NRXN3: variants seen among roughly 807,000 people sequenced by gnomAD.
NRXN3 encodes the protein neurexin 3.
In NRXN3, 32 loss-of-function variants were observed where a neutral mutation model predicts 137.6. The observed-to-expected ratio is 0.23, with a 90% CI of 0.18 to 0.31. The LOEUF is 0.31. Among genes scored for constraint, NRXN3 ranks in the 10% least tolerant of loss-of-function variants. The pLI is 1.00. For missense variants in NRXN3, 1,574 were observed against 2,062.5 expected, an observed-to-expected ratio of 0.76 and a Z score of 4.59; for synonymous variants, 798 against 784.5, an observed-to-expected ratio of 1.02 and a Z score of -0.29.
intron 4 of NRXN3, among the ~76,000 whole-genome samples, chr14:78,565,584 C>G (rs188195337): frequency 4.2e-4 from 64 of 152,330 alleles, no homozygotes; most frequent in Admixed American, 4.2e-3. Context: ...CTCAATTTCC[C>G]CATTTGTAAA....
intron 10 of NRXN3, among the ~76,000 whole-genome samples, chr14:78,944,027 T>C (rs2099360442): frequency 6.6e-6 from 1 of 151,696 alleles, no homozygotes; most frequent in Non-Finnish European, 1.5e-5. Context: ...GAGTTACAGG[T>C]TTGGTTAGGA....
intron 15 of NRXN3, among the ~76,000 whole-genome samples, chr14:79,230,980 C>G (rs1239463187): frequency 2.0e-5 from 3 of 152,118 alleles, no homozygotes; most frequent in Admixed American, 6.6e-5. Context: ...GTAGCATCAG[C>G]TATATTTATT....
At chr14:79,155,815 A>G (rs910930300) in intron 15 of NRXN3, among the ~76,000 whole-genome samples, 28 of 151,806 alleles carry the variant, frequency 1.8e-4, no homozygotes, top group African/African-American at 5.8e-4. Context: ...ATAATTTTGC[A>G]TAAGTATAAT....
chr14:78,709,622 T>C lies in NRXN3; in HGVS notation c.1627T>C (p.Tyr543His), dbSNP rs2098388103. 1.2e-6 allele frequency: 2 copies of C among 1,613,512 alleles called. No individual in the cohort carries two copies. Among genetic ancestry groups the C allele is most frequent in the Admixed American group, 3.3e-5 (2 of 60,008 alleles). ...TQKKANDGEW[Y>H]HVDIQRDGRS... ...GAAGAAAGCCAATGATGGGGAATGG[T>C]ACCATGTGGACATTCAGCGAGATGG... The change falls in exon 7 of 21, where the codon TAC becomes CAC. Residue 543 changes from tyrosine (Y) to histidine (H), a missense_variant. Physicochemically the swap from Tyr to His is moderately conservative, Grantham distance 83. Around this residue, in one of 5 missense-constraint regions of NRXN3, gnomAD observed 718 missense variants for 887.6 expected, o/e 0.81. Coordinates refer to ENST00000335750, the MANE Select transcript of NRXN3 (RefSeq NM_001330195.2).
chr14:78,894,302 C>A (rs1490002031), intron 10 of NRXN3, among the ~76,000 whole-genome samples: 2 of 151,940 alleles, frequency 1.3e-5, no homozygotes, highest in Non-Finnish European at 2.9e-5. Context: ...ATGGAATATT[C>A]TAAATCCTTT....
intron 19 of NRXN3, among the ~76,000 whole-genome samples, chr14:79,778,833 G>C (rs1279665797): frequency 6.6e-6 from 1 of 152,172 alleles, no homozygotes; most frequent in East Asian, 1.9e-4. Context: ...AGGGTTTAAA[G>C]CTTCTTTTAG....
intron 4 of NRXN3, among the ~76,000 whole-genome samples, chr14:78,459,585 G>T (rs916528470): frequency 6.6e-6 from 1 of 152,156 alleles, no homozygotes; most frequent in Non-Finnish European, 1.5e-5. Flanking sequence ...GTGGTGCAGT[G>T]TGGGACATAC....
At chr14:78,989,294 T>G (rs554195747) in intron 15 of NRXN3, among the ~76,000 whole-genome samples, 1 of 152,180 alleles carries the variant, frequency 6.6e-6, no homozygotes, top group Non-Finnish European at 1.5e-5. Flanking sequence ...TCTATGTGGT[T>G]TTTTTGATTC....
At position 79,861,473 on chromosome 14, in the gene NRXN3, C is replaced by T. The variant is rs754045944; in HGVS notation, c.4225C>T (p.Leu1409=). The T allele has an allele frequency of 8.3e-5, 128 of 1,537,224 alleles. No individual in the cohort carries two copies. Among genetic ancestry groups the T allele is most frequent in the Non-Finnish European group, 1.1e-4 (122 of 1,147,080 alleles). ...TACTACCACATCTTTATCCCCTGAGCTGATCCGCTTCACAGCTTCCTCCTC... is the reference window on the plus strand; with the variant it reads ...TACTACCACATCTTTATCCCCTGAGTTGATCCGCTTCACAGCTTCCTCCTC... The part of the protein sequence containing the change: ...RTTTTSLSPE[L]IRFTASSSSG... Residue 1409 remains leucine, a synonymous_variant, in exon 21 of 21, where the codon CTG becomes TTG. Coordinates refer to ENST00000335750, the MANE Select transcript of NRXN3 (RefSeq NM_001330195.2). The surrounding 1 kb of genome is among the most constrained non-coding windows in gnomAD (Gnocchi z 5.4).
intron 15 of NRXN3, among the ~76,000 whole-genome samples, chr14:79,416,420 A>G (rs1173130351): frequency 6.6e-6 from 1 of 152,154 alleles, no homozygotes; most frequent in Admixed American, 6.6e-5. Flanking sequence ...ACAGAAAGCT[A>G]TCTCATAGTT....
At chr14:78,575,257 A>C (rs1164301468) in intron 4 of NRXN3, among the ~76,000 whole-genome samples, 1 of 152,208 alleles carries the variant, frequency 6.6e-6, no homozygotes, top group Non-Finnish European at 1.5e-5. Flanking sequence ...TAGCGCAAGC[A>C]CAGACTAATA....
At chr14:79,440,510 C>T (rs1216334363) in intron 15 of NRXN3, among the ~76,000 whole-genome samples, 1 of 152,124 alleles carries the variant, frequency 6.6e-6, no homozygotes, top group African/African-American at 2.4e-5. Flanking sequence ...GCACACTTAT[C>T]ATAACAAATT....
intron 4 of NRXN3, among the ~76,000 whole-genome samples, chr14:78,457,809 A>T (rs1039689246): frequency 2.0e-5 from 3 of 152,200 alleles, no homozygotes; most frequent in Non-Finnish European, 4.4e-5. Flanking sequence ...CAAACTCTAG[A>T]TCAAACACAA....
chr14:78,957,344 A>G lies in NRXN3; in HGVS notation c.2378A>G (p.Asp793Gly). Residue 793 changes from aspartate to glycine, a missense_variant, in exon 11 of 21, where the codon GAT becomes GGT. Around this residue, in one of 5 missense-constraint regions of NRXN3, gnomAD observed 718 missense variants for 887.6 expected, o/e 0.81. Coordinates refer to ENST00000335750, the MANE Select transcript of NRXN3 (RefSeq NM_001330195.2). Reference sequence around the variant, plus strand: ...GGAAAAAGCCTTAAGTTAACCGTGGATGATGATGTGGCTGAGGGTGAGTAT... The same window carrying G: ...GGAAAAAGCCTTAAGTTAACCGTGGGTGATGATGTGGCTGAGGGTGAGTAT... ...RRGKSLKLTV[D>G]DDVAEGTMVG... The G allele has an allele frequency of 6.2e-7, 1 of 1,614,080 alleles. No individual in the cohort carries two copies. The highest frequency in any genetic ancestry group is 8.5e-7 in the Non-Finnish European group (1 of 1,179,986).
intron 16 of NRXN3, among the ~76,000 whole-genome samples, chr14:79,479,375 G>A (rs942272760): frequency 2.0e-5 from 3 of 151,802 alleles, no homozygotes; most frequent in African/African-American, 7.3e-5. Flanking sequence ...ATTTTATGAA[G>A]TAAAAAATTA....
intron 15 of NRXN3, among the ~76,000 whole-genome samples, chr14:79,421,145 A>G (rs1027082673): frequency 6.6e-6 from 1 of 152,218 alleles, no homozygotes; most frequent in Admixed American, 6.5e-5. Context: ...AAGACTTTAT[A>G]TGAACTGAAT....
chr14:79,401,444 C>T (rs1030592047), intron 15 of NRXN3, among the ~76,000 whole-genome samples: 4 of 152,158 alleles, frequency 2.6e-5, no homozygotes, highest in Admixed American at 1.3e-4. Context: ...GAAACTCTGA[C>T]GTGGGGCCTG....
At chr14:79,756,149 G>A (rs181970517) in intron 19 of NRXN3, among the ~76,000 whole-genome samples, 39 of 152,240 alleles carry the variant, frequency 2.6e-4, no homozygotes, top group African/African-American at 9.1e-4. Flanking sequence ...ACGAGGGAAC[G>A]AAGTACCCAG....
intron 10 of NRXN3, among the ~76,000 whole-genome samples, chr14:78,835,738 A>G (rs892855993): frequency 7.9e-5 from 12 of 152,044 alleles, no homozygotes; most frequent in Admixed American, 4.6e-4. Flanking sequence ...CAAGACTTTC[A>G]TTTGTCAAAG....
Sources: allele counts gnomAD v4.1 joint callset (sites outside exome capture counted in the v4.1 genomes callset), GRCh38; gene constraint gnomAD v4.1.1; regional missense constraint gnomAD v4.1.1; non-coding constraint Gnocchi (gnomAD v3.1); transcripts MANE v1.5; gene names NCBI Gene and HGNC (gene_info 2026-07-23, HGNC 2026-07-21).